SHANK2: variants seen among roughly 807,000 people sequenced by gnomAD.
SHANK2 encodes SH3 and multiple ankyrin repeat domains 2.
In SHANK2, 43 loss-of-function variants were observed where a neutral mutation model predicts 133.7. The observed-to-expected ratio is 0.32, with a 90% CI of 0.25 to 0.41. SHANK2 has a LOEUF of 0.41. SHANK2 is among the 10% of genes least tolerant of loss of function. The pLI is 1.00. For missense variants in SHANK2, 1,994 were observed against 2,235.8 expected (o/e 0.89, Z 2.18); for synonymous variants, 1,017 against 952.8 (o/e 1.07, Z -1.24).
chr11:70,680,570 C>T (rs145070879), intron 15 of SHANK2, among the ~76,000 whole-genome samples: 8 of 152,298 alleles, frequency 5.3e-5, no homozygotes, highest in South Asian at 2.1e-4. Context: ...CACCTGCATT[C>T]GCCAGGACCA....
intron 17 of SHANK2, among the ~76,000 whole-genome samples, chr11:70,599,956 AAAGAAAGAAAGAAAG>A: frequency 7.5e-6 from 1 of 132,746 alleles, no homozygotes; most frequent in Middle Eastern, 3.6e-3. Flanking sequence ...AGAAAGAAAG[AAAGAAAGAAAGAAAG>A]AAAATGTATC....
chr11:71,216,481 A>G (rs1265492577), intron 2 of SHANK2, among the ~76,000 whole-genome samples: 2 of 152,196 alleles, frequency 1.3e-5, no homozygotes, highest in Non-Finnish European at 2.9e-5. Flanking sequence ...AGAGGGATTC[A>G]GGAGGAGGGA....
At chr11:70,811,637 T>TCATC (rs140137476) in intron 12 of SHANK2, among the ~76,000 whole-genome samples, 46,971 of 147,430 alleles carry the variant, frequency 0.32, 8,041 homozygotes, top group African/African-American at 0.46. Context: ...ATCCATCCAC[T>TCATC]CATCCATCCA....
rs995892304 is a variant in SHANK2 at position 70,613,048 on chromosome 11, C to T, written c.2061+46780G>A. Among the ~76,000 whole-genome samples the T allele has an allele frequency of 5.9e-5, 9 of 152,110 alleles. No homozygotes were observed. The East Asian group carries it at 7.7e-4, about 13-fold the overall frequency. ...TGAACAGAGGTGCTTGGAAACTTCTCGTGTGTGTCTCCTGGCCCACGTGGG... is the reference window on the plus strand; with the variant it reads ...TGAACAGAGGTGCTTGGAAACTTCTTGTGTGTGTCTCCTGGCCCACGTGGG... On this transcript the variant is annotated intron_variant, in intron 17 of 25. Transcript: ENST00000601538.
chr11:70,919,749 C>T (rs1391788228), intron 10 of SHANK2, among the ~76,000 whole-genome samples: 1 of 152,214 alleles, frequency 6.6e-6, no homozygotes, highest in African/African-American at 2.4e-5. Flanking sequence ...CCCCAGCCCT[C>T]TCCCCAACCT....
At position 70,486,681 on chromosome 11, in the gene SHANK2, T is replaced by A. The variant is rs1555153772; in HGVS notation, c.3612A>T (p.Pro1204=). ...GTAGPGNYVH[P]LTGRLLDPSS... Reference sequence around the variant, plus strand: ...TGGGATCAAGCAGCCGCCCTGTGAGTGGGTGGACATAATTCCCGGGGCCGG... The same window carrying A: ...TGGGATCAAGCAGCCGCCCTGTGAGAGGGTGGACATAATTCCCGGGGCCGG... Residue 1204 remains proline, a synonymous_variant, in exon 25 of 26, where the codon CCA becomes CCT. Coordinates refer to ENST00000601538, the MANE Select transcript of SHANK2 (RefSeq NM_012309.5). This position sits in a 1 kb window ranked among gnomAD's most constrained non-coding sequence, Gnocchi z 8.0. The A allele has an allele frequency of 1.1e-5, 18 of 1,611,130 alleles. No individual in the cohort carries two copies. Among genetic ancestry groups the A allele is most frequent in the Non-Finnish European group, 1.4e-5 (17 of 1,179,900 alleles).
intron 14 of SHANK2, among the ~76,000 whole-genome samples, chr11:70,789,929 C>A (rs1458639502): frequency 6.6e-6 from 1 of 152,216 alleles, no homozygotes; most frequent in Admixed American, 6.5e-5. Context: ...ACGATTTGCT[C>A]TGGTGCTGCT....
At chr11:70,546,011 G>A (rs553126956) in intron 17 of SHANK2, among the ~76,000 whole-genome samples, 2 of 152,144 alleles carry the variant, frequency 1.3e-5, no homozygotes, top group South Asian at 2.1e-4. Context: ...GGGGCAAATG[G>A]GGGGTGCAGA....
intron 14 of SHANK2, among the ~76,000 whole-genome samples, chr11:70,788,088 C>G (rs747529586): frequency 2.6e-4 from 40 of 152,168 alleles, no homozygotes; most frequent in Non-Finnish European, 4.3e-4. Context: ...ATGACTTACT[C>G]CAGTGCATAC....
At chr11:70,679,714 G>A (rs906723756) in intron 15 of SHANK2, among the ~76,000 whole-genome samples, 3 of 152,246 alleles carry the variant, frequency 2.0e-5, no homozygotes, top group Non-Finnish European at 2.9e-5. Flanking sequence ...GGTGTCTGGC[G>A]CATTTTGGGG....
chr11:70,727,687 C>A (rs1483935605), intron 14 of SHANK2, among the ~76,000 whole-genome samples: 1 of 152,136 alleles, frequency 6.6e-6, no homozygotes, highest in African/African-American at 2.4e-5. Flanking sequence ...AATGAGGTGG[C>A]CCATGTCAAA....
intron 15 of SHANK2, chr11:70,669,413 C>CA (rs11440574): frequency 1 from 152,581 of 152,582 alleles, 76,290 homozygotes; most frequent in Middle Eastern, 1. Flanking sequence ...GTCCAAGGTC[C>CA]AGGCCAGCAG....
chr11:70,502,076 A>C, intron 19 of SHANK2, 130 bp downstream of exon 19: 1 of 1,307,096 alleles, frequency 7.7e-7, no homozygotes, highest in Non-Finnish European at 1.1e-6. Context: ...TTCCTGATGC[A>C]CGTCTGGGTA....
At chr11:70,928,534 G>C (rs1555082003) in intron 10 of SHANK2, among the ~76,000 whole-genome samples, 1 of 152,142 alleles carries the variant, frequency 6.6e-6, no homozygotes, top group Non-Finnish European at 1.5e-5. Context: ...ACACGAGATG[G>C]GATCACAGGG....
intron 2 of SHANK2, among the ~76,000 whole-genome samples, chr11:71,191,797 G>A (rs1358249254): frequency 6.6e-6 from 1 of 152,014 alleles, no homozygotes; most frequent in African/African-American, 2.4e-5. Flanking sequence ...GGCCTCAGGT[G>A]CCTGCCTCAG....
At chr11:71,167,733 G>C (rs1555111311) in intron 2 of SHANK2, among the ~76,000 whole-genome samples, 1 of 140,266 alleles carries the variant, frequency 7.1e-6, no homozygotes, top group Non-Finnish European at 1.6e-5. Flanking sequence ...TCACTTCCCA[G>C]TAGGGGCGGC....
At chr11:70,899,818 C>T (rs1313662248) in intron 10 of SHANK2, among the ~76,000 whole-genome samples, 3 of 152,292 alleles carry the variant, frequency 2.0e-5, no homozygotes, top group East Asian at 1.9e-4. Context: ...CAGCCCTTGC[C>T]GAATGCCTGA....
chr11:70,670,530 G>A (rs561047785), intron 15 of SHANK2, among the ~76,000 whole-genome samples: 5 of 152,308 alleles, frequency 3.3e-5, no homozygotes, highest in African/African-American at 4.8e-5. Context: ...CTCGACAGGC[G>A]GGGCAGGCTG....
intron 3 of SHANK2, among the ~76,000 whole-genome samples, chr11:71,145,155 G>A (rs2135396500): frequency 6.6e-6 from 1 of 152,296 alleles, no homozygotes; most frequent in Admixed American, 6.5e-5. Flanking sequence ...CAGTGGCATG[G>A]CCAGATTAGC....
Sources: gnomAD v4.1 joint callset for allele counts (sites outside exome capture counted in the v4.1 genomes callset) on GRCh38, gnomAD v4.1.1 for gene constraint, Gnocchi (gnomAD v3.1) non-coding constraint, MANE v1.5 for transcripts, NCBI Gene and HGNC (gene_info 2026-07-23, HGNC 2026-07-21) for gene names.